Variants in FOXP1 observed in about 807,000 individuals in gnomAD.
FOXP1 encodes the protein forkhead box P1.
FOXP1 carries 15 observed loss-of-function variants against 98.2 expected under a neutral mutation model. The observed-to-expected ratio is 0.15, with a 90% CI of 0.10 to 0.24. The LOEUF is 0.24. Ranked by LOEUF, FOXP1 falls within the 10% of genes least tolerant of loss-of-function variation. The pLI is 1.00. For synonymous variants in FOXP1, 371 were observed against 314.5 expected (o/e 1.18, Z -1.90); for missense variants, 633 against 848.5 (o/e 0.75, Z 3.15).
intron 3 of FOXP1, among the ~76,000 whole-genome samples, chr3:71,368,454 C>T (rs1479718456): frequency 6.6e-6 from 1 of 152,138 alleles, no homozygotes; most frequent in African/African-American, 2.4e-5. Context: ...GAAAGACATC[C>T]TCTTCATGAC....
At chr3:71,174,166 GC>G (rs1216572586) in intron 6 of FOXP1, among the ~76,000 whole-genome samples, 1 of 152,002 alleles carries the variant, frequency 6.6e-6, no homozygotes, top group Non-Finnish European at 1.5e-5. Flanking sequence ...AGCCTCCAAA[GC>G]CAAAAACAAT....
chr3:71,500,468 G>T (rs1208545481), intron 2 of FOXP1, among the ~76,000 whole-genome samples: 1 of 152,008 alleles, frequency 6.6e-6, no homozygotes, highest in Non-Finnish European at 1.5e-5. Context: ...CTTTGGGGAT[G>T]AGATAGACCA....
intron 5 of FOXP1, among the ~76,000 whole-genome samples, chr3:71,227,017 G>A (rs2065896181): frequency 6.6e-6 from 1 of 152,124 alleles, no homozygotes. Context: ...TGGTCTTCGT[G>A]GTAATGGCGG....
intron 7 of FOXP1, among the ~76,000 whole-genome samples, chr3:71,112,205 C>T (rs754882330): frequency 6.6e-6 from 1 of 152,126 alleles, no homozygotes; most frequent in Non-Finnish European, 1.5e-5. Context: ...TATGCCATTT[C>T]TAGACCCAAC....
At chr3:71,111,610 C>A (rs1196138531) in intron 7 of FOXP1, among the ~76,000 whole-genome samples, 2 of 152,068 alleles carry the variant, frequency 1.3e-5, no homozygotes, top group Non-Finnish European at 2.9e-5. Context: ...GGTTGGCCAG[C>A]CTCGTCTCGA....
rs1270776807 is a variant in FOXP1 at position 71,019,140 on chromosome 3, G to A, written c.870-3487C>T. 2.0e-4 allele frequency among the ~76,000 whole-genome samples: 31 copies of A among 151,990 alleles called. 1 individual carries two copies. Among genetic ancestry groups the A allele is most frequent in the Admixed American group, 1.8e-3 (27 of 15,264 alleles). On this transcript the variant is annotated intron_variant, in intron 11 of 20. Transcript: ENST00000649528. ...TTATATTCTTACTGCCTTTTGGGTC[G>A]TGCCAAAAAAGACAAGAAGGGAAAT... is the stretch of plus-strand genomic sequence containing the variant.
intron 5 of FOXP1, among the ~76,000 whole-genome samples, chr3:71,269,771 G>A (rs1332673099): frequency 2.0e-5 from 3 of 152,170 alleles, no homozygotes; most frequent in Non-Finnish European, 4.4e-5. Flanking sequence ...GGGCCTTCAT[G>A]TGTACTTTTA....
chr3:71,120,510 G>A (rs2058683089), intron 6 of FOXP1, among the ~76,000 whole-genome samples: 1 of 152,204 alleles, frequency 6.6e-6, no homozygotes, highest in Non-Finnish European at 1.5e-5. Flanking sequence ...ATGAGACAAT[G>A]TCAAGATAGG....
intron 6 of FOXP1, among the ~76,000 whole-genome samples, chr3:71,170,402 C>T (rs2061594040): frequency 6.6e-6 from 1 of 152,168 alleles, no homozygotes; most frequent in Non-Finnish European, 1.5e-5. Flanking sequence ...TCGACAACAG[C>T]TTGCAGAAAC....
chr3:71,163,239 C>A (rs1177211917), intron 6 of FOXP1, among the ~76,000 whole-genome samples: 3 of 151,978 alleles, frequency 2.0e-5, no homozygotes, highest in African/African-American at 7.3e-5. Flanking sequence ...ATTGAGGTGC[C>A]AATGATTTAT....
At chr3:71,551,696 T>TAGAGACAGG in intron 2 of FOXP1, among the ~76,000 whole-genome samples, 1 of 152,290 alleles carries the variant, frequency 6.6e-6, no homozygotes, top group East Asian at 1.9e-4. Flanking sequence ...AACATAAAAA[T>TAGAGACAGG]AGAGACAGGA....
chr3:71,196,521 T>C (rs906953614), intron 6 of FOXP1, among the ~76,000 whole-genome samples: 3 of 152,186 alleles, frequency 2.0e-5, no homozygotes, highest in Non-Finnish European at 4.4e-5. Context: ...TAAATATTAA[T>C]TATTTAGTAT....
At chr3:71,215,031 C>T (rs1024577691) in intron 5 of FOXP1, among the ~76,000 whole-genome samples, 3 of 152,224 alleles carry the variant, frequency 2.0e-5, no homozygotes, top group African/African-American at 7.2e-5. Flanking sequence ...ATGCAAATTC[C>T]TGAGCCCATC....
chr3:71,052,462 T>C (rs958546120), intron 9 of FOXP1, 75 bp downstream of exon 9: 8 of 843,832 alleles, frequency 9.5e-6, no homozygotes, highest in African/African-American at 8.2e-5. Flanking sequence ...ATTTAAAAGA[T>C]GAATGACAGT....
chr3:71,535,962 T>C (rs945302268), intron 2 of FOXP1, among the ~76,000 whole-genome samples: 2 of 152,262 alleles, frequency 1.3e-5, no homozygotes. Flanking sequence ...CAGAATAATA[T>C]GACAGAATTC....
chr3:71,549,860 TAAAAAA>T (rs55826932), intron 2 of FOXP1, among the ~76,000 whole-genome samples: 8 of 59,944 alleles, frequency 1.3e-4, no homozygotes, highest in Non-Finnish European at 1.6e-4. Flanking sequence ...ATGCTGGGAG[TAAAAAA>T]AAAAAAAAAA....
chr3:71,212,873 T>C (rs1447535248), intron 5 of FOXP1, among the ~76,000 whole-genome samples: 2 of 151,942 alleles, frequency 1.3e-5, no homozygotes, highest in South Asian at 2.1e-4. Context: ...AAATGCTTCA[T>C]AGATTGTATC....
chr3:71,485,490 TG>T lies in FOXP1; in HGVS notation c.-168+7935del, dbSNP rs1372396006. 9.2e-5 allele frequency among the ~76,000 whole-genome samples: 14 copies of T among 152,320 alleles called. 1 individual carries two copies. Among genetic ancestry groups the T allele is most frequent in the African/African-American group, 3.4e-4 (14 of 41,576 alleles). On this transcript the variant is annotated intron_variant, in intron 3 of 20. Coordinates refer to ENST00000649528, the MANE Select transcript of FOXP1 (RefSeq NM_001349338.3). ...AAGTTCCCTGAATAATAACTGAGGC[TG>T]GAAGCGATGGCTCACGCCTGTAATC... is the stretch of plus-strand genomic sequence containing the variant.
At chr3:71,148,876 T>G (rs779495767) in intron 6 of FOXP1, among the ~76,000 whole-genome samples, 1 of 152,144 alleles carries the variant, frequency 6.6e-6, no homozygotes, top group Non-Finnish European at 1.5e-5. Flanking sequence ...GAGAAGGTGG[T>G]ATATCTATAG....
Sources: allele counts gnomAD v4.1 joint callset (sites outside exome capture counted in the v4.1 genomes callset), GRCh38; gene constraint gnomAD v4.1.1; transcripts MANE v1.5; gene names NCBI Gene and HGNC (gene_info 2026-07-23, HGNC 2026-07-21).